The following RAB3C variants were observed in gnomAD, a reference collection of about 807,000 sequenced individuals.
RAB3C encodes ras-related protein Rab-3C.
In RAB3C, 17 loss-of-function variants were observed where a neutral mutation model predicts 26.4. The observed-to-expected ratio is 0.64, with a 90% CI of 0.44 to 0.97. RAB3C has a LOEUF of 0.97. Among genes scored for constraint, RAB3C ranks in the 50% least tolerant of loss-of-function variants. The pLI is 0.00. For missense variants in RAB3C, 242 were observed against 281.9 expected, an observed-to-expected ratio of 0.86 and a Z score of 1.01; for synonymous variants, 91 against 95.9, an observed-to-expected ratio of 0.95 and a Z score of 0.30.
intron 2 of RAB3C, among the ~76,000 whole-genome samples, chr5:58,702,884 A>G (rs1002410056): frequency 9.9e-5 from 15 of 152,206 alleles, no homozygotes; most frequent in African/African-American, 2.9e-4. Context: ...ACTGAACAGA[A>G]ATAGGTTCAT....
intron 2 of RAB3C, among the ~76,000 whole-genome samples, chr5:58,702,695 C>CT (rs1193836411): frequency 3.3e-5 from 5 of 151,790 alleles, no homozygotes; most frequent in African/African-American, 1.2e-4. Context: ...TTCTCCTTTT[C>CT]TTTTTATTTC....
intron 3 of RAB3C, among the ~76,000 whole-genome samples, chr5:58,813,927 G>A (rs1286369106): frequency 6.6e-6 from 1 of 152,020 alleles, no homozygotes; most frequent in African/African-American, 2.4e-5. Context: ...ATTATTATTG[G>A]TTTTCCACCA....
At chr5:58,654,276 C>A (rs1747717083) in intron 2 of RAB3C, among the ~76,000 whole-genome samples, 1 of 152,100 alleles carries the variant, frequency 6.6e-6, no homozygotes, top group Non-Finnish European at 1.5e-5. Flanking sequence ...TTTTTAAAGG[C>A]AGATATTAAA....
At chr5:58,684,748 T>C (rs909057063) in intron 2 of RAB3C, among the ~76,000 whole-genome samples, 19 of 152,124 alleles carry the variant, frequency 1.2e-4, no homozygotes, top group Non-Finnish European at 1.9e-4. Flanking sequence ...GGATCAGAAG[T>C]CATCATAGCA....
chr5:58,843,391 C>T (rs1303196814), intron 4 of RAB3C, among the ~76,000 whole-genome samples: 1 of 152,158 alleles, frequency 6.6e-6, no homozygotes, highest in Non-Finnish European at 1.5e-5. Context: ...GTTGACAATT[C>T]ATAAATAGGC....
intron 2 of RAB3C, among the ~76,000 whole-genome samples, chr5:58,697,547 T>C (rs898477596): frequency 6.6e-6 from 1 of 152,196 alleles, no homozygotes; most frequent in Non-Finnish European, 1.5e-5. Flanking sequence ...ATTATTATTG[T>C]GTGGGAGTCT....
chr5:58,831,737 A>G lies in RAB3C; in HGVS notation c.496+6575A>G, dbSNP rs547695470. ...TCAGGAGTCACTGCTAGGCCTCAGC[A>G]CATTGAGGGGACCTTGCTTATTTCT... On this transcript the variant is annotated intron_variant, in intron 4 of 4. Coordinates refer to ENST00000282878, the MANE Select transcript of RAB3C (RefSeq NM_138453.4). 1.1e-4 allele frequency among the ~76,000 whole-genome samples: 17 copies of G among 152,330 alleles called. No individual in the cohort carries two copies. The South Asian group carries it at 3.5e-3, about 32-fold the overall frequency.
At chr5:58,830,170 T>A (rs1369235707) in intron 4 of RAB3C, among the ~76,000 whole-genome samples, 1 of 152,208 alleles carries the variant, frequency 6.6e-6, no homozygotes, top group African/African-American at 2.4e-5. Context: ...AATACTGGCT[T>A]AATTAAACAA....
chr5:58,689,782 A>G (rs1055341356), intron 2 of RAB3C, among the ~76,000 whole-genome samples: 2 of 152,064 alleles, frequency 1.3e-5, no homozygotes, highest in Non-Finnish European at 2.9e-5. Context: ...AGCCTCCTCA[A>G]CTTCTCCTCA....
chr5:58,813,508 T>C (rs535685824), intron 3 of RAB3C, among the ~76,000 whole-genome samples: 16 of 151,152 alleles, frequency 1.1e-4, no homozygotes, highest in South Asian at 2.1e-4. Flanking sequence ...CCCTTTCTCA[T>C]AGACAGGTTG....
rs534402447 is a variant in RAB3C, at chr5:58,665,991, A to C, written c.252+48121A>C. Reference sequence around the variant, plus strand: ...ATCATGAAGGCCAATACACTGCACTAAAATATTGAGGGACACAAAGAACCC... The same window carrying C: ...ATCATGAAGGCCAATACACTGCACTCAAATATTGAGGGACACAAAGAACCC... On this transcript the variant is annotated intron_variant, in intron 2 of 4. Coordinates refer to ENST00000282878, the MANE Select transcript of RAB3C (RefSeq NM_138453.4). 5.9e-5 allele frequency among the ~76,000 whole-genome samples: 9 copies of C among 152,260 alleles called. No individual in the cohort carries two copies. The South Asian group carries it at 1.7e-3, about 28-fold the overall frequency.
intron 3 of RAB3C, among the ~76,000 whole-genome samples, chr5:58,747,176 T>C (rs1238056598): frequency 6.6e-6 from 1 of 152,170 alleles, no homozygotes; most frequent in Non-Finnish European, 1.5e-5. Flanking sequence ...ACAATAAACA[T>C]AGATTATGAT....
At chr5:58,820,733 A>G (rs1433960283) in intron 3 of RAB3C, among the ~76,000 whole-genome samples, 1 of 152,232 alleles carries the variant, frequency 6.6e-6, no homozygotes, top group Non-Finnish European at 1.5e-5. Flanking sequence ...TTGAGGTTAC[A>G]TTGAAATATT....
At chr5:58,688,267 G>T (rs1748488443) in intron 2 of RAB3C, among the ~76,000 whole-genome samples, 1 of 152,050 alleles carries the variant, frequency 6.6e-6, no homozygotes. Context: ...GCTGGCTGAA[G>T]GTTTTTGACC....
At chr5:58,814,487 TG>T (rs1292856933) in intron 3 of RAB3C, among the ~76,000 whole-genome samples, 2 of 152,206 alleles carry the variant, frequency 1.3e-5, no homozygotes, top group Non-Finnish European at 2.9e-5. Flanking sequence ...CAAGCCTGAT[TG>T]CCTTCCCACT....
At chr5:58,781,020 T>C (rs1742258310) in intron 3 of RAB3C, among the ~76,000 whole-genome samples, 2 of 152,078 alleles carry the variant, frequency 1.3e-5, no homozygotes, top group Non-Finnish European at 2.9e-5. Flanking sequence ...TAGGATTCCA[T>C]ATGTGTTTTG....
chr5:58,637,005 CTGT>C (rs1162707874), intron 2 of RAB3C, among the ~76,000 whole-genome samples: 2 of 151,342 alleles, frequency 1.3e-5, no homozygotes, highest in Admixed American at 6.6e-5. Flanking sequence ...TTATTTGTTG[CTGT>C]TGTTGTTAAA....
At chr5:58,745,769 T>C (rs16888528) in intron 3 of RAB3C, among the ~76,000 whole-genome samples, 3,962 of 152,354 alleles carry the variant, frequency 0.026, 180 homozygotes, top group African/African-American at 0.091. Context: ...CTTATTATAT[T>C]CTACCTTGTA....
intron 2 of RAB3C, among the ~76,000 whole-genome samples, chr5:58,725,142 T>C (rs911889491): frequency 6.6e-6 from 1 of 151,912 alleles, no homozygotes; most frequent in African/African-American, 2.4e-5. Flanking sequence ...TTTTCTCAGC[T>C]TTTGTTTGCC....
Sources: gnomAD v4.1 joint callset for allele counts (sites outside exome capture counted in the v4.1 genomes callset) on GRCh38, gnomAD v4.1.1 for gene constraint, MANE v1.5 for transcripts, NCBI Gene and HGNC (gene_info 2026-07-23, HGNC 2026-07-21) for gene names.